Variants in TSEN15 observed in about 807,000 individuals in gnomAD.
The protein encoded by TSEN15 is tRNA-splicing endonuclease subunit Sen15.
In TSEN15, 10 loss-of-function variants were observed where a neutral mutation model predicts 20.5. That is an observed-to-expected ratio of 0.49 (90% confidence interval 0.30 to 0.83). TSEN15 has a LOEUF of 0.83. Among genes scored for constraint, TSEN15 ranks in the 40% least tolerant of loss-of-function variants. TSEN15 has a pLI of 0.06. For missense variants in TSEN15, 180 were observed against 218.6 expected, an observed-to-expected ratio of 0.82 and a Z score of 1.11; for synonymous variants, 72 against 80.1, an observed-to-expected ratio of 0.90 and a Z score of 0.54.
intron 3 of TSEN15, 109 bp downstream of exon 3, chr1:184,054,972 T>C (rs778261201): frequency 1.5e-5 from 19 of 1,269,678 alleles, no homozygotes; most frequent in Non-Finnish European, 2.0e-5. Flanking sequence ...GGTTCATAGC[T>C]TTACTCTTGG....
At chr1:184,088,135 C>G (rs1246021671) in intron 3 of TSEN15, among the ~76,000 whole-genome samples, 1 of 152,132 alleles carries the variant, frequency 6.6e-6, no homozygotes, top group Non-Finnish European at 1.5e-5. Context: ...GGCCTCTGAG[C>G]TGTGGGCACC....
At chr1:184,072,493 T>G (rs573629773) in intron 4 of TSEN15, 195 bp downstream of exon 4, 4 of 579,470 alleles carry the variant, frequency 6.9e-6, no homozygotes, top group African/African-American at 6.5e-5. Context: ...TAGTTATTTT[T>G]GCAAAAAAAA....
At chr1:184,076,155 T>C (rs915010099), downstream of TSEN15, among the ~76,000 whole-genome samples, 3 of 152,088 alleles carry the variant, frequency 2.0e-5, no homozygotes, top group African/African-American at 7.2e-5. Flanking sequence ...TTTTACAAAT[T>C]GAAGGTTTGT....
intron 3 of TSEN15, among the ~76,000 whole-genome samples, chr1:184,061,336 C>CA (rs560319781): frequency 2.2e-3 from 328 of 152,164 alleles, no homozygotes; most frequent in Non-Finnish European, 3.4e-3. Context: ...TTGTAGTCCT[C>CA]AAAAAACCTT....
chr1:184,053,324 A>G (rs147694912), intron 1 of TSEN15, among the ~76,000 whole-genome samples: 35 of 152,342 alleles, frequency 2.3e-4, no homozygotes, highest in Non-Finnish European at 4.9e-4. Context: ...AAATGGTACC[A>G]GATTTATTAT....
intron 3 of TSEN15, among the ~76,000 whole-genome samples, chr1:184,067,941 AATATATATATATATAT>A (rs58463457): frequency 1.0e-5 from 1 of 95,602 alleles, no homozygotes; most frequent in Non-Finnish European, 1.9e-5. Context: ...AAAAAAAAAA[AATATATATATATATAT>A]ATATATATAT....
Position 184,067,949 on chromosome 1 carries a change from T to A in TSEN15, c.354-4208T>A, listed in dbSNP as rs1361191232. 7.5e-3 allele frequency among the ~76,000 whole-genome samples: 985 copies of A among 131,886 alleles called. 12 individuals are homozygous for A. Among genetic ancestry groups the A allele is most frequent in the African/African-American group, 0.025 (811 of 33,102 alleles). The allele number at this position is 131,886 out of a possible 152,430, so 86.5% of individuals were successfully genotyped here. A position where few individuals can be genotyped will look rare whatever the true frequency, so the allele number is the denominator to read the frequency against. On this transcript the variant is annotated intron_variant, in intron 3 of 4. Transcript: ENST00000645668. Reference sequence around the variant, plus strand: ...CAAAAAAAAAAAAAAAAAATATATATATATATATATATATATATATATGTA... The same window carrying A: ...CAAAAAAAAAAAAAAAAAATATATAAATATATATATATATATATATATGTA...
At chr1:184,060,729 C>T (rs1446044179) in intron 3 of TSEN15, among the ~76,000 whole-genome samples, 1 of 151,898 alleles carries the variant, frequency 6.6e-6, no homozygotes, top group African/African-American at 2.4e-5. Context: ...TCATTTGTAC[C>T]CCCACTTTTT....
chr1:184,091,563 C>T (rs1283463982), intron 3 of TSEN15, among the ~76,000 whole-genome samples: 5 of 152,028 alleles, frequency 3.3e-5, no homozygotes, highest in Non-Finnish European at 5.9e-5. Context: ...CCTCTCCTTG[C>T]ATGTAGGTGT....
intron 3 of TSEN15, among the ~76,000 whole-genome samples, chr1:184,061,178 T>G (rs1650442704): frequency 1.3e-5 from 2 of 152,190 alleles, no homozygotes; most frequent in Non-Finnish European, 2.9e-5. Flanking sequence ...AGTTTTATAT[T>G]TAAAAATACC....
Position 184,051,902 on chromosome 1 carries a change from C to T in TSEN15, c.135+12C>T, listed in dbSNP as rs1175108761. On this transcript the variant is annotated intron_variant, in intron 1 of 4. Coordinates refer to ENST00000645668, the MANE Select transcript of TSEN15 (RefSeq NM_052965.4). ...GCACTCACCCTAAGGTCAGGAGGCG[C>T]GAGAGGAGCAGGGCGCCGTCCAGGC... The T allele has an allele frequency of 1.3e-6, 2 of 1,528,064 alleles. No homozygotes were observed. The highest frequency in any genetic ancestry group is 1.2e-5 in the South Asian group (1 of 80,772). The allele number at this position is 1,528,064 out of a possible 1,614,324, so 94.7% of individuals were successfully genotyped here.
intron 3 of TSEN15, 50 bp downstream of exon 3, chr1:184,054,913 A>C (rs775633835): frequency 1.5e-5 from 24 of 1,565,066 alleles, no homozygotes; most frequent in Middle Eastern, 1.7e-4. Context: ...AAGCAGTAGG[A>C]AACATTAAAC....
intron 3 of TSEN15, among the ~76,000 whole-genome samples, chr1:184,085,974 A>G (rs1287427998): frequency 6.6e-6 from 1 of 152,216 alleles, no homozygotes; most frequent in Non-Finnish European, 1.5e-5. Context: ...GCAAAACTGT[A>G]TATGAAATAT....
At position 184,074,128 on chromosome 1, in the gene TSEN15, G is replaced by T. The variant is rs1651007805; in HGVS notation, c.*1281G>T. 1 of 152,072 alleles carries T rather than the reference G, an allele frequency of 6.6e-6. No individual in the cohort carries two copies. Among genetic ancestry groups the T allele is most frequent in the African/African-American group, 2.4e-5 (1 of 41,408 alleles). The allele number at this position is 152,072 out of a possible 1,614,324, so 9.4% of individuals were successfully genotyped here. ...AATCAAATTACTAACTGGTTATAGT[G>T]GGATAGGAGGCAGAAAATGGATGAC... On this transcript the variant is annotated 3_prime_UTR_variant, in exon 5 of 5. Transcript: ENST00000645668.
chr1:184,074,939 G>A (rs557648299), downstream of TSEN15, among the ~76,000 whole-genome samples: 95 of 151,962 alleles, frequency 6.3e-4, 1 homozygote, highest in African/African-American at 2.3e-3. Context: ...AAATTTGCAG[G>A]TCTAAGAATC....
At position 184,060,219 on chromosome 1, in the gene TSEN15, T is replaced by C. The variant is rs182860635; in HGVS notation, c.353+5356T>C. On this transcript the variant is annotated intron_variant, in intron 3 of 4. Transcript: ENST00000645668. ...TTTTTGACAGAAATAAGGTACTGTT[T>C]AATGGGGAACTTTTGAACAGAACTA... Among the ~76,000 whole-genome samples, 203 of 152,364 alleles carry C rather than the reference T, an allele frequency of 1.3e-3. 1 individual carries two copies. Among genetic ancestry groups the C allele is most frequent in the African/African-American group, 4.6e-3 (193 of 41,584 alleles).
chr1:184,077,848 G>A (rs1651092669), downstream of TSEN15, among the ~76,000 whole-genome samples: 1 of 152,202 alleles, frequency 6.6e-6, no homozygotes, highest in Non-Finnish European at 1.5e-5. Flanking sequence ...AACATATGAG[G>A]AGTTGTTTCT....
At chr1:184,095,258 C>T (rs1572725143) in intron 3 of TSEN15, 1 of 396,296 alleles carries the variant, frequency 2.5e-6, no homozygotes, top group Non-Finnish European at 4.4e-6. Context: ...CAGATGAGTG[C>T]TCCATAACTC....
At position 184,087,484 on chromosome 1, in the gene TSEN15, G is replaced by A. The variant is rs535669117; in HGVS notation, c.354-8206G>A. ...AATCTGTATCCATTGTCCAAACAGA[G>A]GGCCCAGTAAAGGGTTTAAGCTGAA... On this transcript the variant is annotated intron_variant, in intron 3 of 3. Coordinates refer to the TSEN15 transcript ENST00000643231. Among the ~76,000 whole-genome samples the A allele has an allele frequency of 3.3e-5, 5 of 152,288 alleles. No homozygotes were observed. The South Asian group carries it at 8.3e-4, about 25-fold the overall frequency.
Sources: allele counts gnomAD v4.1 joint callset (sites outside exome capture counted in the v4.1 genomes callset), GRCh38; gene constraint gnomAD v4.1.1; transcripts MANE v1.5; gene names NCBI Gene and HGNC (gene_info 2026-07-23, HGNC 2026-07-21).